SULF1: variants seen among roughly 807,000 people sequenced by gnomAD.
The protein encoded by SULF1 is extracellular sulfatase Sulf-1.
Under a neutral mutation model 110.5 loss-of-function variants are expected in SULF1, and 46 were observed. The ratio of observed to expected loss-of-function variants is 0.42; its 90% CI spans 0.33 to 0.53. The LOEUF is 0.53. Among genes scored for constraint, SULF1 ranks in the 20% least tolerant of loss-of-function variants. The probability of loss-of-function intolerance (pLI) is 0.12; values close to 1 mark genes in which losing one functional copy is unlikely to be tolerated. For missense variants in SULF1, 941 were observed against 1,094.2 expected (o/e 0.86, Z 1.98); for synonymous variants, 371 against 387.1 (o/e 0.96, Z 0.49).
chr8:69,564,141 G>C lies in SULF1; in HGVS notation c.166G>C (p.Glu56Gln). Residue 56 changes from glutamate to glutamine, a missense_variant, in exon 5 of 23, where the codon GAG (glutamate) becomes CAG (glutamine). By Grantham distance (29) the Glu-to-Gln change is conservative. This residue lies in a region of SULF1 where 822 missense variants were observed against 934.3 expected (regional missense o/e 0.88). Transcript: ENST00000402687. ...TGTGCTTACCGATGATCAAGATGTGGAGCTGGGTGAGACACTGGACTCTTC... is the reference window on the plus strand; with the variant it reads ...TGTGCTTACCGATGATCAAGATGTGCAGCTGGGTGAGACACTGGACTCTTC... ...ILVLTDDQDV[E>Q]LGSLQVMNKT... 6.2e-7 allele frequency: 1 copy of C among 1,614,136 alleles called. No individual in the cohort carries two copies. Among genetic ancestry groups the C allele is most frequent in the Non-Finnish European group, 8.5e-7 (1 of 1,180,006 alleles).
chr8:69,536,215 T>C (rs1445759629), intron 3 of SULF1, among the ~76,000 whole-genome samples: 1 of 152,202 alleles, frequency 6.6e-6, no homozygotes, highest in Non-Finnish European at 1.5e-5. Flanking sequence ...CCACCCATTG[T>C]CTGTTTGGTG....
intron 19 of SULF1, among the ~76,000 whole-genome samples, chr8:69,636,396 G>T (rs1007115735): frequency 6.6e-6 from 1 of 152,096 alleles, no homozygotes; most frequent in African/African-American, 2.4e-5. Flanking sequence ...AATTAACTGG[G>T]GGTGGTGGCG....
In SULF1 at chr8:69,659,525, C is replaced by CT. The variant is rs1812975840; in HGVS notation, c.*991dup. 5 of 247,712 alleles carry CT rather than the reference C, an allele frequency of 2.0e-5. No individual in the cohort carries two copies. Among genetic ancestry groups the CT allele is most frequent in the Non-Finnish European group, 4.0e-5 (5 of 125,388 alleles). 15.3% of individuals were successfully genotyped at this position (247,712 alleles called of 1,614,324 possible). Reference sequence around the variant, plus strand: ...TATCTGCCAAGAGTAGAAAGAAAGGCTGGGGATATTTGGGTTGGCTTGGTT... The same window carrying CT: ...TATCTGCCAAGAGTAGAAAGAAAGGCTTGGGGATATTTGGGTTGGCTTGGTT... On this transcript the variant is annotated 3_prime_UTR_variant, in exon 23 of 23. Coordinates refer to ENST00000402687, the MANE Select transcript of SULF1 (RefSeq NM_001128205.2).
chr8:69,475,714 A>T (rs1289794313), intron 1 of SULF1, among the ~76,000 whole-genome samples: 1 of 152,202 alleles, frequency 6.6e-6, no homozygotes, highest in African/African-American at 2.4e-5. Flanking sequence ...ATAGAACTTT[A>T]TAATGCAAAC....
chr8:69,643,714 G>A (rs139330645), intron 22 of SULF1, among the ~76,000 whole-genome samples: 1 of 151,978 alleles, frequency 6.6e-6, no homozygotes, highest in Non-Finnish European at 1.5e-5. Flanking sequence ...GCTGTTCCCT[G>A]TGTGTGAAGC....
chr8:69,547,576 G>T (rs539960687), intron 3 of SULF1, among the ~76,000 whole-genome samples: 1 of 152,212 alleles, frequency 6.6e-6, no homozygotes, highest in South Asian at 2.1e-4. Context: ...AAACATGAGC[G>T]CTGCACACCA....
intron 5 of SULF1, among the ~76,000 whole-genome samples, chr8:69,574,652 C>T (rs1469800992): frequency 6.6e-6 from 1 of 152,196 alleles, no homozygotes; most frequent in Non-Finnish European, 1.5e-5. Flanking sequence ...TTATGCTACA[C>T]TTGGGAGATC....
In SULF1 at chr8:69,545,989, C is replaced by T. The variant is rs192688870; in HGVS notation, c.-133-17550C>T. 4.0e-3 allele frequency among the ~76,000 whole-genome samples: 613 copies of T among 152,316 alleles called. 1 individual carries two copies. Among genetic ancestry groups the T allele is most frequent in the Non-Finnish European group, 6.9e-3 (466 of 68,026 alleles). On this transcript the variant is annotated intron_variant, in intron 3 of 22. Transcript: ENST00000402687. ...AGATTACAGGCGTGAGCCACCATGT[C>T]CAGCCTCCACACTGTTTTATAGAAC... is the stretch of plus-strand genomic sequence containing the variant.
intron 3 of SULF1, among the ~76,000 whole-genome samples, chr8:69,502,690 C>CTTTTTTTTTTTTTTTTTTTTTTT (rs765285613): frequency 3.2e-5 from 4 of 125,910 alleles, no homozygotes; most frequent in Admixed American, 8.2e-5. Flanking sequence ...CTTTTTTTTT[C>CTTTTTTTTTTTTTTTTTTTTTTT]TTTTTTTTTT....
intron 3 of SULF1, among the ~76,000 whole-genome samples, chr8:69,523,447 G>C (rs1812454311): frequency 6.6e-6 from 1 of 152,140 alleles, no homozygotes; most frequent in Non-Finnish European, 1.5e-5. Context: ...TTGCGAGGCA[G>C]TATTAGGACC....
intron 5 of SULF1, among the ~76,000 whole-genome samples, chr8:69,572,972 C>A (rs1043319571): frequency 6.6e-6 from 1 of 152,176 alleles, no homozygotes; most frequent in Admixed American, 6.5e-5. Flanking sequence ...GGTCTACAGG[C>A]GCATGCCATC....
intron 3 of SULF1, among the ~76,000 whole-genome samples, chr8:69,524,739 A>T (rs1450160984): frequency 1.3e-5 from 2 of 152,232 alleles, no homozygotes; most frequent in Non-Finnish European, 2.9e-5. Context: ...ATAAAGTTAC[A>T]GTTTGCCAAA....
chr8:69,614,431 A>G (rs369578819), intron 13 of SULF1, among the ~76,000 whole-genome samples: 1 of 152,260 alleles, frequency 6.6e-6, no homozygotes, highest in East Asian at 1.9e-4. Context: ...TGAAAAATTC[A>G]TAAAGAGTGC....
chr8:69,476,637 T>C (rs1353968164), intron 1 of SULF1, among the ~76,000 whole-genome samples: 1 of 152,234 alleles, frequency 6.6e-6, no homozygotes, highest in Non-Finnish European at 1.5e-5. Flanking sequence ...ATGAAGACTT[T>C]GGCCTGTTCT....
intron 3 of SULF1, among the ~76,000 whole-genome samples, chr8:69,536,005 G>A (rs1165913199): frequency 1.1e-4 from 17 of 151,168 alleles, no homozygotes; most frequent in Admixed American, 5.9e-4. Context: ...GCAAAAATAC[G>A]AGACTCCGAC....
intron 13 of SULF1, among the ~76,000 whole-genome samples, chr8:69,609,774 A>G (rs1808503851): frequency 6.6e-6 from 1 of 152,234 alleles, no homozygotes; most frequent in Non-Finnish European, 1.5e-5. Flanking sequence ...TCATATGGGC[A>G]GCTTTAGAGA....
chr8:69,638,876 A>AT lies in SULF1; in HGVS notation c.2551+24dup. ...TGATGTTGGTAAGGAAAAAAATACT[A>AT]TTTTTTCTATTTTACCTGGAAAATT... is the stretch of plus-strand genomic sequence containing the variant. On this transcript the variant is annotated intron_variant, in intron 21 of 22. Transcript: ENST00000402687. 1 of 1,593,314 alleles carries AT rather than the reference A, an allele frequency of 6.3e-7. No individual in the cohort carries two copies. The highest frequency in any genetic ancestry group is 2.2e-5 in the East Asian group (1 of 44,670).
intron 22 of SULF1, among the ~76,000 whole-genome samples, chr8:69,645,333 A>C (rs757851354): frequency 1.6e-4 from 25 of 152,284 alleles, no homozygotes; most frequent in Non-Finnish European, 2.9e-4. Context: ...AGAAGAAACT[A>C]AAGTATAGCA....
At chr8:69,575,637 A>G (rs1455076066) in intron 5 of SULF1, among the ~76,000 whole-genome samples, 3 of 152,038 alleles carry the variant, frequency 2.0e-5, no homozygotes, top group African/African-American at 4.8e-5. Context: ...GTATCAGGCT[A>G]TTGTTCTCTG....
Sources: allele counts gnomAD v4.1 joint callset (sites outside exome capture counted in the v4.1 genomes callset), GRCh38; gene constraint gnomAD v4.1.1; regional missense constraint gnomAD v4.1.1; transcripts MANE v1.5; gene names NCBI Gene and HGNC (gene_info 2026-07-23, HGNC 2026-07-21).